Variants in ST6GALNAC5 observed in about 807,000 individuals in gnomAD.
The protein encoded by ST6GALNAC5 is alpha-N-acetylgalactosaminide alpha-2,6-sialyltransferase 5.
In ST6GALNAC5, 27 loss-of-function variants were observed where a neutral mutation model predicts 33.6. The observed-to-expected ratio is 0.80, with a 90% confidence interval of 0.59 to 1.11. The LOEUF (loss-of-function observed/expected upper bound fraction) is 1.11. Among genes scored for constraint, ST6GALNAC5 ranks in the 50% least tolerant of loss-of-function variants. The pLI is 0.00. For synonymous variants in ST6GALNAC5, 194 were observed against 171.2 expected, an observed-to-expected ratio of 1.13 and a Z score of -1.04; for missense variants, 428 against 454.0, an observed-to-expected ratio of 0.94 and a Z score of 0.52.
At chr1:77,061,889 T>C (rs943260378) in intron 4 of ST6GALNAC5, among the ~76,000 whole-genome samples, 3 of 152,162 alleles carry the variant, frequency 2.0e-5, no homozygotes, top group Non-Finnish European at 2.9e-5. Flanking sequence ...ACTCGGAGAC[T>C]CTCAGGCCAC....
chr1:76,898,894 T>C (rs568568373), intron 2 of ST6GALNAC5, among the ~76,000 whole-genome samples: 8 of 151,842 alleles, frequency 5.3e-5, no homozygotes, highest in African/African-American at 1.9e-4. Flanking sequence ...AAAGGTAGAT[T>C]AGAAAGACTC....
At chr1:77,054,602 G>C (rs1171527354) in intron 4 of ST6GALNAC5, among the ~76,000 whole-genome samples, 3 of 152,110 alleles carry the variant, frequency 2.0e-5, no homozygotes, top group African/African-American at 7.2e-5. Context: ...GCTGTCATAG[G>C]CATGGTGTGA....
At chr1:76,970,651 G>C (rs942767001) in intron 2 of ST6GALNAC5, among the ~76,000 whole-genome samples, 10 of 152,192 alleles carry the variant, frequency 6.6e-5, no homozygotes, top group Non-Finnish European at 1.3e-4. Context: ...TTATCCAGGA[G>C]AACTTCCCCA....
At chr1:76,925,223 C>T (rs1198755932) in intron 2 of ST6GALNAC5, among the ~76,000 whole-genome samples, 1 of 152,048 alleles carries the variant, frequency 6.6e-6, no homozygotes, top group East Asian at 1.9e-4. Context: ...GATCTGCCCC[C>T]ACGATCCAAT....
Position 77,005,414 on chromosome 1 carries a change from G to A in ST6GALNAC5, c.262-38790G>A, listed in dbSNP as rs192657084. ...TGGCACTCCCTAGTGAGATGAACCC[G>A]GTACCTCAGATGGAAATGCAGAAAT... On this transcript the variant is annotated intron_variant, in intron 2 of 4. Coordinates refer to ENST00000477717, the MANE Select transcript of ST6GALNAC5 (RefSeq NM_030965.3). Among the ~76,000 whole-genome samples the A allele has an allele frequency of 2.2e-3, 328 of 152,262 alleles. 2 individuals carry two copies. Among genetic ancestry groups the A allele is most frequent in the African/African-American group, 7.4e-3 (306 of 41,550 alleles).
In ST6GALNAC5 at chr1:76,867,618, G is replaced by A; in HGVS notation, c.-58G>A. On this transcript the variant is annotated 5_prime_UTR_variant, in exon 1 of 5. Coordinates refer to ENST00000477717, the MANE Select transcript of ST6GALNAC5 (RefSeq NM_030965.3). ...CATTACCCATCATGGAAACCCTCCA[G>A]GAAAAAGTGGCCCCGGACGCGCGAG... 1 of 1,614,066 alleles carries A rather than the reference G, an allele frequency of 6.2e-7. No individual in the cohort carries two copies. The highest frequency in any genetic ancestry group is 8.5e-7 in the Non-Finnish European group (1 of 1,179,948).
chr1:76,885,822 C>A (rs897197534), intron 2 of ST6GALNAC5, among the ~76,000 whole-genome samples: 1 of 152,218 alleles, frequency 6.6e-6, no homozygotes, highest in African/African-American at 2.4e-5. Context: ...TGCTCAGACA[C>A]AGAATGTGTT....
chr1:76,889,469 G>A (rs1395025235), intron 2 of ST6GALNAC5, among the ~76,000 whole-genome samples: 1 of 151,962 alleles, frequency 6.6e-6, no homozygotes, highest in Admixed American at 6.6e-5. Flanking sequence ...GGTAAATACA[G>A]TTTTACTTTC....
intron 4 of ST6GALNAC5, among the ~76,000 whole-genome samples, chr1:77,051,826 A>G (rs1177304953): frequency 5.3e-5 from 8 of 152,200 alleles, no homozygotes; most frequent in Non-Finnish European, 1.0e-4. Flanking sequence ...AGAGCCATCA[A>G]CGTTGATGGG....
chr1:77,059,319 C>T (rs1652499006), intron 4 of ST6GALNAC5, among the ~76,000 whole-genome samples: 1 of 152,184 alleles, frequency 6.6e-6, no homozygotes, highest in Non-Finnish European at 1.5e-5. Flanking sequence ...ATTTATTTAT[C>T]AGGTGTCCTC....
chr1:77,036,943 T>C (rs1651664969), intron 2 of ST6GALNAC5, among the ~76,000 whole-genome samples: 1 of 152,168 alleles, frequency 6.6e-6, no homozygotes. Context: ...ACAGTTTAGA[T>C]TGAGTGGTCA....
At chr1:76,950,804 A>C (rs968850466) in intron 2 of ST6GALNAC5, among the ~76,000 whole-genome samples, 1 of 152,184 alleles carries the variant, frequency 6.6e-6, no homozygotes, top group Admixed American at 6.6e-5. Context: ...TGGGCCAAAA[A>C]TATCTGCATG....
intron 2 of ST6GALNAC5, among the ~76,000 whole-genome samples, chr1:77,017,789 A>T (rs1650905576): frequency 6.6e-6 from 1 of 152,242 alleles, no homozygotes; most frequent in African/African-American, 2.4e-5. Context: ...ATTTGGTATT[A>T]AATATTAAAT....
At chr1:76,944,411 A>T (rs1192654449) in intron 2 of ST6GALNAC5, among the ~76,000 whole-genome samples, 1 of 152,084 alleles carries the variant, frequency 6.6e-6, no homozygotes, top group Non-Finnish European at 1.5e-5. Context: ...AAGGGAGATG[A>T]GTACAGAAAG....
chr1:77,061,581 T>A (rs549146659), intron 4 of ST6GALNAC5, among the ~76,000 whole-genome samples: 2 of 152,322 alleles, frequency 1.3e-5, no homozygotes, highest in East Asian at 3.9e-4. Context: ...GGGCCTTTTC[T>A]CTTCTTAGTC....
In ST6GALNAC5 at chr1:77,050,361, T is replaced by C; in HGVS notation, c.775T>C (p.Cys259Arg). ...NVYGMVPPDFCRDPNHPSVPY... is the reference protein window; with the variant it reads ...NVYGMVPPDFRRDPNHPSVPY... ...TTATGGCATGGTGCCCCCAGACTTCTGCAGGTAGGATTTATTCTGCAAGTG... is the reference window on the plus strand; with the variant it reads ...TTATGGCATGGTGCCCCCAGACTTCCGCAGGTAGGATTTATTCTGCAAGTG... Residue 259 changes from cysteine (C) to arginine (R), a missense_variant, in exon 4 of 5, where the codon TGC (cysteine) becomes CGC (arginine). Transcript: ENST00000477717. The C allele has an allele frequency of 6.2e-7, 1 of 1,613,874 alleles. No homozygotes were observed. Among genetic ancestry groups the C allele is most frequent in the Non-Finnish European group, 8.5e-7 (1 of 1,179,740 alleles).
intron 4 of ST6GALNAC5, 41 bp from the exon 5 acceptor site, chr1:77,062,934 A>AT: frequency 3.2e-6 from 5 of 1,558,006 alleles, no homozygotes; most frequent in Non-Finnish European, 2.6e-6. Context: ...AGGAAAAAAA[A>AT]TTTTTTTGCT....
chr1:77,008,919 C>A (rs1029574398), intron 2 of ST6GALNAC5, among the ~76,000 whole-genome samples: 11 of 152,222 alleles, frequency 7.2e-5, no homozygotes, highest in Non-Finnish European at 7.3e-5. Flanking sequence ...GTGCCAGAAT[C>A]TGAACTACAG....
At chr1:76,901,097 A>T (rs754701811) in intron 2 of ST6GALNAC5, among the ~76,000 whole-genome samples, 4 of 152,248 alleles carry the variant, frequency 2.6e-5, no homozygotes, top group Non-Finnish European at 5.9e-5. Context: ...AGTTGCAATA[A>T]GTGTTTGTGG....
Sources: gnomAD v4.1 joint callset for allele counts (sites outside exome capture counted in the v4.1 genomes callset) on GRCh38, gnomAD v4.1.1 for gene constraint, MANE v1.5 for transcripts, NCBI Gene and HGNC (gene_info 2026-07-23, HGNC 2026-07-21) for gene names.